Variants in RNF8 observed in about 807,000 individuals in gnomAD.
RNF8 encodes ring finger protein 8.
Under a neutral mutation model 59.3 loss-of-function variants are expected in RNF8, and 8 were observed. The observed-to-expected ratio is 0.13, with a 90% CI of 0.08 to 0.24. The LOEUF (loss-of-function observed/expected upper bound fraction) is 0.24. Among genes scored for constraint, RNF8 ranks in the 10% least tolerant of loss-of-function variants. The pLI is 1.00. For synonymous variants in RNF8, 162 were observed against 200.0 expected (o/e 0.81, Z 1.60); for missense variants, 406 against 572.6 (o/e 0.71, Z 2.97).
At chr6:37,362,172 A>G (rs1374493746) in intron 2 of RNF8, among the ~76,000 whole-genome samples, 1 of 152,216 alleles carries the variant, frequency 6.6e-6, no homozygotes, top group East Asian at 1.9e-4. Flanking sequence ...TAGGATTACA[A>G]TATTATAGAG....
At position 37,369,000 on chromosome 6, in the gene RNF8, A is replaced by G. The variant is rs1769687645; in HGVS notation, c.757A>G (p.Met253Val). The change falls in exon 3 of 8, where the codon ATG becomes GTG. Residue 253 changes from methionine (M) to valine (V), a missense_variant. Physicochemically the swap from Met to Val is conservative, Grantham distance 21. This residue lies in a region of RNF8 where 285 missense variants were observed against 342.0 expected (regional missense o/e 0.83). Transcript: ENST00000373479. ...QRSLQMFKVT[M>V]SRILRLKIQM... is the part of the protein sequence containing the mutation. ...AAGCTTACAGATGTTTAAGGTGACC[A>G]TGTCCAGGATTCTGAGGCTCAAAAT... The G allele has an allele frequency of 6.2e-7, 1 of 1,614,256 alleles. No individual in the cohort carries two copies. Among genetic ancestry groups the G allele is most frequent in the Non-Finnish European group, 8.5e-7 (1 of 1,180,048 alleles).
chr6:37,362,026 A>AC (rs558255339), intron 2 of RNF8, among the ~76,000 whole-genome samples: 18 of 152,216 alleles, frequency 1.2e-4, no homozygotes, highest in Non-Finnish European at 2.1e-4. Context: ...AATTTGCTAT[A>AC]CTGGCTTTAT....
intron 7 of RNF8, 83 bp downstream of exon 7, chr6:37,381,437 GA>G: frequency 1.6e-6 from 2 of 1,262,246 alleles, no homozygotes; most frequent in Admixed American, 3.8e-5. Flanking sequence ...GAAAGAGAAA[GA>G]GTCAGATAAA....
chr6:37,380,022 T>G (rs1179591253), intron 6 of RNF8, among the ~76,000 whole-genome samples: 2 of 152,044 alleles, frequency 1.3e-5, no homozygotes, highest in African/African-American at 4.8e-5. Context: ...CTAGTGATCC[T>G]CCCACCCCAG....
chr6:37,390,429 G>A (rs186330777), intron 7 of RNF8, among the ~76,000 whole-genome samples: 1 of 151,846 alleles, frequency 6.6e-6, no homozygotes, highest in African/African-American at 2.4e-5. Context: ...ATGCTGGTAT[G>A]TGGGAGGGGC....
chr6:37,381,125 A>G (rs748458427), intron 6 of RNF8, 25 bp from the exon 7 acceptor site: 3 of 1,591,678 alleles, frequency 1.9e-6, no homozygotes, highest in African/African-American at 2.7e-5. Flanking sequence ...AAGTTCTGAT[A>G]TGTGTGTCCA....
chr6:37,377,101 T>TCAC, intron 6 of RNF8, 68 bp downstream of exon 6: 1 of 809,172 alleles, frequency 1.2e-6, no homozygotes, highest in Non-Finnish European at 1.9e-6. Context: ...AGACAGAGTC[T>TCAC]CACTCTGTCA....
chr6:37,384,221 A>G (rs1227868593), intron 7 of RNF8, among the ~76,000 whole-genome samples: 1 of 148,754 alleles, frequency 6.7e-6, no homozygotes, highest in Non-Finnish European at 1.5e-5. Flanking sequence ...GCTCACTGCA[A>G]CCTCCCCCTC....
chr6:37,357,977 G>T (rs995476463), intron 1 of RNF8, among the ~76,000 whole-genome samples: 1 of 152,156 alleles, frequency 6.6e-6, no homozygotes, highest in African/African-American at 2.4e-5. Flanking sequence ...GATAATTTTG[G>T]TCTGTGATAA....
chr6:37,381,418 A>G (rs969325483), intron 7 of RNF8, 64 bp downstream of exon 7: 5 of 1,425,338 alleles, frequency 3.5e-6, no homozygotes, highest in South Asian at 1.2e-5. Flanking sequence ...ACTTCAACAA[A>G]TATTTTTGGA....
At chr6:37,374,749 C>G in intron 5 of RNF8, 40 bp downstream of exon 5, 1 of 1,443,806 alleles carries the variant, frequency 6.9e-7, no homozygotes, top group Non-Finnish European at 9.7e-7. Flanking sequence ...TTGGTTAGTG[C>G]ATGCAACTCA....
At chr6:37,378,473 C>G (rs1230397260) in intron 6 of RNF8, among the ~76,000 whole-genome samples, 1 of 151,414 alleles carries the variant, frequency 6.6e-6, no homozygotes, top group East Asian at 1.9e-4. Flanking sequence ...TGGTGGCATG[C>G]ACCTGTAATC....
At chr6:37,384,714 A>G (rs1485789527) in intron 7 of RNF8, among the ~76,000 whole-genome samples, 1 of 152,176 alleles carries the variant, frequency 6.6e-6, no homozygotes, top group Non-Finnish European at 1.5e-5. Flanking sequence ...CCATCAGCCC[A>G]CCTGTAAGGC....
At position 37,354,244 on chromosome 6, in the gene RNF8, C is replaced by T. The variant is rs1372819382; in HGVS notation, c.80C>T (p.Ala27Val). Reference protein sequence around the residue: ...SWCLRRVGMSAGWLLLEDGCE... With the variant: ...SWCLRRVGMSVGWLLLEDGCE... ...TGCCTGCGGCGGGTGGGGATGAGCGCCGGGTGGCTGCTGCTGGAAGATGGG... is the reference window on the plus strand; with the variant it reads ...TGCCTGCGGCGGGTGGGGATGAGCGTCGGGTGGCTGCTGCTGGAAGATGGG... Residue 27 changes from alanine to valine, a missense_variant, in exon 1 of 8, where the codon GCC (alanine) becomes GTC (valine). Coordinates refer to ENST00000373479, the MANE Select transcript of RNF8 (RefSeq NM_003958.4). The T allele has an allele frequency of 1.9e-6, 3 of 1,568,332 alleles. No individual in the cohort carries two copies. The highest frequency in any genetic ancestry group is 2.6e-6 in the Non-Finnish European group (3 of 1,158,440).
intron 1 of RNF8, among the ~76,000 whole-genome samples, chr6:37,358,407 G>C (rs931270314): frequency 2.0e-5 from 3 of 152,240 alleles, no homozygotes; most frequent in African/African-American, 7.2e-5. Flanking sequence ...ATGGGGGCTA[G>C]AGTGAGAACA....
At chr6:37,377,762 TA>T (rs1409149851) in intron 6 of RNF8, among the ~76,000 whole-genome samples, 2 of 152,174 alleles carry the variant, frequency 1.3e-5, no homozygotes, top group Admixed American at 1.3e-4. Context: ...TGCAACCTTT[TA>T]AACGAGGGGG....
chr6:37,361,234 G>C, intron 2 of RNF8: 1 of 454,572 alleles, frequency 2.2e-6, no homozygotes, highest in East Asian at 6.9e-5. Flanking sequence ...GAGAAGCTGA[G>C]GCCAGAGGAT....
rs573626432 is a variant in RNF8, at chr6:37,366,262, C to T, written c.241-2222C>T. Among the ~76,000 whole-genome samples, 5 of 152,258 alleles carry T rather than the reference C, an allele frequency of 3.3e-5. No homozygotes were observed. The South Asian group carries it at 6.2e-4, about 19-fold the overall frequency. On this transcript the variant is annotated intron_variant, in intron 2 of 7. Transcript: ENST00000373479. ...AGCTTTGGAGACTTCCTTTAAATTTCTGTACCTTGGCATTAGGTGGCCTTC... is the reference window on the plus strand; with the variant it reads ...AGCTTTGGAGACTTCCTTTAAATTTTTGTACCTTGGCATTAGGTGGCCTTC...
At chr6:37,374,368 C>T (rs753003059) in intron 4 of RNF8, among the ~76,000 whole-genome samples, 2 of 152,154 alleles carry the variant, frequency 1.3e-5, no homozygotes, top group African/African-American at 4.8e-5. Flanking sequence ...CTTGGATGGC[C>T]ACCAATGTTG....
Sources: gnomAD v4.1 joint callset for allele counts (sites outside exome capture counted in the v4.1 genomes callset) on GRCh38, gnomAD v4.1.1 for gene constraint, gnomAD v4.1.1 regional missense constraint, MANE v1.5 for transcripts, NCBI Gene and HGNC (gene_info 2026-07-23, HGNC 2026-07-21) for gene names.